Variants in DNAH5 observed in about 807,000 individuals in gnomAD.
The protein encoded by DNAH5 is dynein axonemal heavy chain 5.
DNAH5 carries 372 observed loss-of-function variants against 518.2 expected under a neutral mutation model. The ratio of observed to expected loss-of-function variants is 0.72; its 90% CI spans 0.66 to 0.78. DNAH5 has a LOEUF of 0.78. DNAH5 is among the 30% of genes least tolerant of loss of function. DNAH5 has a pLI of 0.00. For missense variants in DNAH5, 5,523 were observed against 5,687.0 expected, an observed-to-expected ratio of 0.97 and a Z score of 0.93; for synonymous variants, 2,039 against 2,025.9, an observed-to-expected ratio of 1.01 and a Z score of -0.17.
chr5:13,902,306 A>G (rs530323246), intron 12 of DNAH5, among the ~76,000 whole-genome samples, 168 bp from the exon 13 acceptor site: 2 of 152,356 alleles, frequency 1.3e-5, no homozygotes, highest in East Asian at 3.9e-4. Flanking sequence ...GCCAGAAACA[A>G]AGAGAGACTT....
At position 13,885,134 on chromosome 5, in the gene DNAH5, T is replaced by C. The variant is rs1035669978; in HGVS notation, c.2838A>G (p.Lys946=). The C allele has an allele frequency of 1.1e-5, 18 of 1,614,134 alleles. No homozygotes were observed. The highest frequency in any genetic ancestry group is 1.4e-5 in the Non-Finnish European group (17 of 1,180,042). The change falls in exon 19 of 79, where the codon AAA becomes AAG. Residue 946 remains lysine, a synonymous_variant. Coordinates refer to ENST00000265104, the MANE Select transcript of DNAH5 (RefSeq NM_001369.3). ...CTTCTTCCCCTAACATCTCAGTTTCTTTCTTTTTCCTCGTGACTGTCGTCA... is the reference window on the plus strand; with the variant it reads ...CTTCTTCCCCTAACATCTCAGTTTCCTTCTTTTTCCTCGTGACTGTCGTCA... ...LLLTTVTRKK[K]ETEMLGEEAR...
rs147734501 is a variant in DNAH5, at chr5:13,944,454, A to G, written c.-16T>C. 7.0e-5 allele frequency: 113 copies of G among 1,611,550 alleles called. No individual in the cohort carries two copies. The East Asian group carries it at 2.5e-3, about 36-fold the overall frequency. ...TCCTAAACATTGTAGCCGTGCATGG[A>G]CAGGCTGGAGTCAGCTCTTCCGGAA... On this transcript the variant is annotated 5_prime_UTR_variant, in exon 1 of 79. Transcript: ENST00000265104.
intron 22 of DNAH5, among the ~76,000 whole-genome samples, chr5:13,876,260 T>C (rs1358715724): frequency 6.6e-6 from 1 of 152,190 alleles, no homozygotes; most frequent in African/African-American, 2.4e-5. Context: ...GCAATATAAA[T>C]AAATTTTTAT....
chr5:13,931,820 T>C (rs1210786262), intron 1 of DNAH5, among the ~76,000 whole-genome samples: 5 of 152,200 alleles, frequency 3.3e-5, no homozygotes, highest in Admixed American at 3.3e-4. Context: ...ACAATCCTAT[T>C]CAAACATATG....
chr5:13,916,713 A>G (rs187507729), intron 8 of DNAH5, among the ~76,000 whole-genome samples: 21 of 152,264 alleles, frequency 1.4e-4, no homozygotes, highest in African/African-American at 4.8e-4. Context: ...ACTGTTAACT[A>G]TTATTAAGGA....
At chr5:13,926,748 T>A (rs183735117) in intron 3 of DNAH5, among the ~76,000 whole-genome samples, 573 of 152,334 alleles carry the variant, frequency 3.8e-3, no homozygotes, top group Non-Finnish European at 6.2e-3. Flanking sequence ...TATGTTTACA[T>A]CCTACGAACA....
At chr5:13,939,747 C>G (rs993029536) in intron 1 of DNAH5, among the ~76,000 whole-genome samples, 1 of 152,158 alleles carries the variant, frequency 6.6e-6, no homozygotes, top group Non-Finnish European at 1.5e-5. Flanking sequence ...ACTCCCCTTT[C>G]GTTTCATTTA....
At position 13,749,277 on chromosome 5, in the gene DNAH5, C is replaced by A. The variant is rs544062833; in HGVS notation, c.11211+1801G>T. On this transcript the variant is annotated intron_variant, in intron 65 of 78. Coordinates refer to ENST00000265104, the MANE Select transcript of DNAH5 (RefSeq NM_001369.3). ...AAAAATGAGTGTCACATTATTCTGG[C>A]TGATCATTTTGTAAGAATTATTTAC... 5.9e-5 allele frequency among the ~76,000 whole-genome samples: 9 copies of A among 152,060 alleles called. No homozygotes were observed. In the South Asian group the frequency reaches 1.5e-3, roughly 25 times the overall value.
intron 51 of DNAH5, 59 bp from the exon 52 acceptor site, chr5:13,786,410 C>A: frequency 6.7e-7 from 1 of 1,483,992 alleles, no homozygotes; most frequent in East Asian, 2.3e-5. Context: ...TTACTTCAAT[C>A]TAAATTAATA....
intron 1 of DNAH5, among the ~76,000 whole-genome samples, chr5:13,936,966 G>A (rs1385674682): frequency 2.0e-5 from 3 of 152,028 alleles, no homozygotes; most frequent in Non-Finnish European, 2.9e-5. Context: ...TGCCCTGGTT[G>A]CATTGCCAGC....
chr5:13,786,451 A>G (rs1756028134), intron 51 of DNAH5, 100 bp from the exon 52 acceptor site: 7 of 1,203,034 alleles, frequency 5.8e-6, no homozygotes, highest in Non-Finnish European at 7.3e-6. Flanking sequence ...AACACTGAAT[A>G]ACATTCATTT....
At chr5:13,748,522 T>A (rs2126677438) in intron 65 of DNAH5, among the ~76,000 whole-genome samples, 1 of 152,278 alleles carries the variant, frequency 6.6e-6, no homozygotes, top group East Asian at 1.9e-4. Context: ...CATGGAATGT[T>A]CTTCCATTTG....
intron 38 of DNAH5, among the ~76,000 whole-genome samples, chr5:13,827,263 C>T (rs1447198719): frequency 6.6e-6 from 1 of 152,090 alleles, no homozygotes; most frequent in African/African-American, 2.4e-5. Context: ...ATTAAGCCAG[C>T]TGCATAAATT....
intron 47 of DNAH5, among the ~76,000 whole-genome samples, chr5:13,794,540 GCAGATGCAGTTA>G (rs2126917582): frequency 6.6e-6 from 1 of 152,296 alleles, no homozygotes; most frequent in East Asian, 1.9e-4. Flanking sequence ...ACTCTTTTGG[GCAGATGCAGTTA>G]CACGGATTCA....
intron 52 of DNAH5, among the ~76,000 whole-genome samples, chr5:13,784,930 C>T (rs1251034461): frequency 6.6e-6 from 1 of 152,116 alleles, no homozygotes; most frequent in Non-Finnish European, 1.5e-5. Context: ...CAGTCCCTAA[C>T]CTTTTTGGCA....
chr5:13,900,821 C>T, intron 14 of DNAH5: 1 of 301,584 alleles, frequency 3.3e-6, no homozygotes, highest in Non-Finnish European at 6.2e-6. Context: ...GACATCGCAT[C>T]CTGACAGCCT....
In DNAH5 at chr5:13,850,443, C is replaced by A. The variant is rs147573694; in HGVS notation, c.5114+209G>T. On this transcript the variant is annotated intron_variant, in intron 31 of 78. Coordinates refer to ENST00000265104, the MANE Select transcript of DNAH5 (RefSeq NM_001369.3). The stretch of plus-strand genomic sequence containing the variant: ...GTCTTATCCCAGTGATGGAAGCAAC[C>A]TTAAGTCCTATGAGTCCAACATCAG... 3.8e-4 allele frequency among the ~76,000 whole-genome samples: 58 copies of A among 152,286 alleles called. 1 individual carries two copies. The highest frequency in any genetic ancestry group is 1.4e-3 in the African/African-American group (57 of 41,562).
intron 50 of DNAH5, among the ~76,000 whole-genome samples, chr5:13,790,197 G>A (rs1161193481): frequency 1.3e-5 from 2 of 152,174 alleles, no homozygotes; most frequent in Admixed American, 1.3e-4. Context: ...TCCCATTACA[G>A]GGTATATATA....
intron 1 of DNAH5, among the ~76,000 whole-genome samples, chr5:13,960,638 AT>A (rs1781112388): frequency 6.6e-6 from 1 of 152,172 alleles, no homozygotes; most frequent in Non-Finnish European, 1.5e-5. Flanking sequence ...CTAAACCAAC[AT>A]CACACACAAC....
Sources: gnomAD v4.1 joint callset for allele counts (sites outside exome capture counted in the v4.1 genomes callset) on GRCh38, gnomAD v4.1.1 for gene constraint, MANE v1.5 for transcripts, NCBI Gene and HGNC (gene_info 2026-07-23, HGNC 2026-07-21) for gene names.